Variants in PER3 observed in about 807,000 individuals in gnomAD.
The protein encoded by PER3 is period circadian regulator 3.
PER3 carries 107 observed loss-of-function variants against 127.2 expected under a neutral mutation model. The observed-to-expected ratio is 0.84, with a 90% CI of 0.72 to 0.99. The LOEUF is 0.99. Among genes scored for constraint, PER3 ranks in the 50% least tolerant of loss-of-function variants. PER3 has a pLI of 0.00. For missense variants in PER3, 1,560 were observed against 1,525.8 expected (o/e 1.02, Z -0.37); for synonymous variants, 618 against 585.8 (o/e 1.05, Z -0.79).
At chr1:7,810,143 T>C in intron 12 of PER3, 122 bp downstream of exon 12, 1 of 1,014,972 alleles carries the variant, frequency 9.9e-7, no homozygotes, top group Admixed American at 2.6e-5. Context: ...TAACAGATAT[T>C]TTCATCCATT....
intron 7 of PER3, among the ~76,000 whole-genome samples, chr1:7,800,085 T>C (rs1484287458): frequency 6.6e-6 from 1 of 152,008 alleles, no homozygotes; most frequent in African/African-American, 2.4e-5. Flanking sequence ...TTTTTGTGTA[T>C]TTGTAAGTGG....
chr1:7,802,172 A>G (rs2097173397), intron 8 of PER3, among the ~76,000 whole-genome samples: 1 of 152,170 alleles, frequency 6.6e-6, no homozygotes, highest in African/African-American at 2.4e-5. Context: ...TAGTCTTACC[A>G]TCGTAAGTTT....
intron 21 of PER3, among the ~76,000 whole-genome samples, chr1:7,842,144 G>C (rs1048234857): frequency 2.0e-5 from 3 of 152,186 alleles, no homozygotes; most frequent in East Asian, 3.8e-4. Flanking sequence ...TATGCAGTCT[G>C]TTTTTGACCG....
rs764556955 is a variant in PER3, at chr1:7,829,855, G to A, written c.2908G>A (p.Gly970Ser). The A allele has an allele frequency of 1.1e-4, 178 of 1,613,836 alleles. No individual in the cohort carries two copies. Among genetic ancestry groups the A allele is most frequent in the Non-Finnish European group, 1.5e-4 (173 of 1,179,830 alleles). ...TEYQCVTGNNGSESSPATTGA... is the reference protein window; with the variant it reads ...TEYQCVTGNNSSESSPATTGA... ...CTAGCAGTGTGTTACAGGCAACAATGGCAGTGAGAGCAGTCCTGCTACTAC... is the reference window on the plus strand; with the variant it reads ...CTAGCAGTGTGTTACAGGCAACAATAGCAGTGAGAGCAGTCCTGCTACTAC... The change falls in exon 19 of 22, where the codon GGC (glycine) becomes AGC (serine). Residue 970 changes from glycine to serine, a missense_variant. Around this residue, in one of 3 missense-constraint regions of PER3, gnomAD observed 1,332 missense variants for 1,223.6 expected, o/e 1.09. Coordinates refer to ENST00000377532, the MANE Select transcript of PER3 (RefSeq NM_001377275.1).
chr1:7,785,525 C>G lies in PER3; in HGVS notation c.213C>G (p.Arg71=), dbSNP rs200589634. 1 of 1,612,332 alleles carries G rather than the reference C, an allele frequency of 6.2e-7. No individual in the cohort carries two copies. The highest frequency in any genetic ancestry group is 8.5e-7 in the Non-Finnish European group (1 of 1,178,454). ...AAAAATACTTCCCCTCGGAGAGACG[C>G]AATAAACCAAGCACTCTAGATGCCC... ...EMKKYFPSER[R]NKPSTLDALN... is the part of the protein sequence containing the mutation. The change falls in exon 3 of 22, where the codon CGC becomes CGG. Residue 71 remains arginine, a synonymous_variant. Transcript: ENST00000377532.
chr1:7,820,608 G>A lies in PER3; in HGVS notation c.1925G>A (p.Ser642Asn), dbSNP rs1275343735. 1.2e-6 allele frequency: 2 copies of A among 1,613,852 alleles called. No individual in the cohort carries two copies. Among genetic ancestry groups the A allele is most frequent in the African/African-American group, 2.7e-5 (2 of 74,906 alleles). ...GGCATAAGCCAATGCGGTTACAGCA[G>A]CACCATTGTCCATGTCCCACCCCCA... is the stretch of plus-strand genomic sequence containing the variant. ...GSGISQCGYS[S>N]TIVHVPPPET... Residue 642 changes from serine (S) to asparagine (N), a missense_variant, in exon 16 of 22, where the codon AGC becomes AAC. This residue lies in a region of PER3 where 1,332 missense variants were observed against 1,223.6 expected (regional missense o/e 1.09). Transcript: ENST00000377532.
At chr1:7,825,532 A>T (rs1424688634) in intron 16 of PER3, among the ~76,000 whole-genome samples, 1 of 152,194 alleles carries the variant, frequency 6.6e-6, no homozygotes, top group Non-Finnish European at 1.5e-5. Flanking sequence ...TAATGTACGT[A>T]TGTGCCTTTG....
intron 13 of PER3, among the ~76,000 whole-genome samples, chr1:7,818,412 G>C (rs2151000629): frequency 6.6e-6 from 1 of 152,322 alleles, no homozygotes; most frequent in South Asian, 2.1e-4. Flanking sequence ...TTCCAAGCCA[G>C]CTAAAAATGA....
intron 6 of PER3, among the ~76,000 whole-genome samples, chr1:7,794,499 A>T (rs535585486): frequency 6.6e-6 from 1 of 152,284 alleles, no homozygotes; most frequent in East Asian, 1.9e-4. Context: ...CTCAAAAAAA[A>T]TAAAAATAAA....
chr1:7,814,352 A>C (rs1028007477), intron 13 of PER3, among the ~76,000 whole-genome samples: 3 of 152,248 alleles, frequency 2.0e-5, no homozygotes, highest in African/African-American at 7.2e-5. Context: ...CAGAGAAAAA[A>C]GACAGATTAC....
intron 6 of PER3, among the ~76,000 whole-genome samples, 174 bp downstream of exon 6, chr1:7,794,182 A>G (rs547328812): frequency 6.6e-6 from 1 of 152,270 alleles, no homozygotes; most frequent in African/African-American, 2.4e-5. Flanking sequence ...TACTCATGAG[A>G]AAACTAGATA....
chr1:7,836,954 T>G (rs2097361473), intron 20 of PER3, 45 bp from the exon 21 acceptor site: 1 of 1,510,974 alleles, frequency 6.6e-7, no homozygotes, highest in Non-Finnish European at 9.1e-7. Context: ...AAAAGAACCC[T>G]GTGTCTTATT....
chr1:7,786,408 A>G (rs577273082), intron 3 of PER3, among the ~76,000 whole-genome samples: 1 of 152,316 alleles, frequency 6.6e-6, no homozygotes, highest in East Asian at 1.9e-4. Context: ...TTCATATATG[A>G]TATGTTCCTG....
At position 7,796,675 on chromosome 1, in the gene PER3, G is replaced by A. The variant is rs1342129633; in HGVS notation, c.645-1850G>A. The stretch of plus-strand genomic sequence containing the variant: ...CTGCAGTGTTGAAGATACTTTGGAG[G>A]GGGAAGAAGGGAGGCAGGGAGGGCA... On this transcript the variant is annotated intron_variant, in intron 6 of 21. Coordinates refer to ENST00000377532, the MANE Select transcript of PER3 (RefSeq NM_001377275.1). Among the ~76,000 whole-genome samples the A allele has an allele frequency of 3.9e-5, 6 of 152,202 alleles. No homozygotes were observed. In the South Asian group the frequency reaches 1.2e-3, roughly 32 times the overall value.
chr1:7,842,697 A>G lies in PER3; in HGVS notation c.3575A>G (p.Asp1192Gly). Residue 1192 changes from aspartate (D) to glycine (G), a missense_variant, in exon 22 of 22, where the codon GAT becomes GGT. Physicochemically the swap from Asp to Gly is moderately conservative, Grantham distance 94 (BLOSUM62 -1). Around this residue, in one of 3 missense-constraint regions of PER3, gnomAD observed 199 missense variants for 198.6 expected, o/e 1.00. Coordinates refer to ENST00000377532, the MANE Select transcript of PER3 (RefSeq NM_001377275.1). ...GCCTGTGTCACTTGTGAAAATGAAG[A>G]TTCAGCTGATGGTGCGGCCACATCC... ...IQACVTCENEDSADGAATSCG... is the reference protein window; with the variant it reads ...IQACVTCENEGSADGAATSCG... The G allele has an allele frequency of 6.2e-7, 1 of 1,613,488 alleles. No individual in the cohort carries two copies. The highest frequency in any genetic ancestry group is 1.7e-4 in the Middle Eastern group (1 of 6,060).
At chr1:7,819,195 A>C in intron 13 of PER3, 90 bp from the exon 14 acceptor site, 6 of 1,113,798 alleles carry the variant, frequency 5.4e-6, no homozygotes, top group Non-Finnish European at 5.3e-6. Flanking sequence ...ATACATGATA[A>C]AGTGCCATGA....
rs1003321338 is a variant in PER3 at position 7,843,141 on chromosome 1, A to T, written c.*386A>T. The stretch of plus-strand genomic sequence containing the variant: ...CTGTTACATAAGTCATTTTCCCCTT[A>T]GAGTGCTTGAAGAAATGCCACCTAC... On this transcript the variant is annotated 3_prime_UTR_variant, in exon 22 of 22. Coordinates refer to ENST00000377532, the MANE Select transcript of PER3 (RefSeq NM_001377275.1). The T allele has an allele frequency of 7.8e-5, 12 of 154,528 alleles. No individual in the cohort carries two copies. Among genetic ancestry groups the T allele is most frequent in the African/African-American group, 2.9e-4 (12 of 41,490 alleles). The allele number at this position is 154,528 out of a possible 1,614,324, so 9.6% of individuals were successfully genotyped here.
Position 7,837,131 on chromosome 1 carries a change from T to G in PER3, c.3531T>G (p.Thr1177=), listed in dbSNP as rs771113980. 1.7e-5 allele frequency: 28 copies of G among 1,613,246 alleles called. No homozygotes were observed. The highest frequency in any genetic ancestry group is 6.7e-5 in the African/African-American group (5 of 74,884). ...VYNWIQSQTV[T]QEIDIQACVT... is the part of the protein sequence containing the mutation. ...ATTGGATTCAAAGCCAGACTGTCAC[T>G]CAAGAAATCGACATTCAAGTAAGCA... The change falls in exon 21 of 22, where the codon ACT becomes ACG. Residue 1177 remains threonine (T), a synonymous_variant. Transcript: ENST00000377532.
intron 10 of PER3, 50 bp from the exon 11 acceptor site, chr1:7,808,843 T>C (rs1199618415): frequency 2.1e-6 from 2 of 965,200 alleles, no homozygotes; most frequent in Admixed American, 3.6e-5. Context: ...AAAATCACTT[T>C]CGACTTCATT....
Sources: allele counts gnomAD v4.1 joint callset (sites outside exome capture counted in the v4.1 genomes callset), GRCh38; gene constraint gnomAD v4.1.1; regional missense constraint gnomAD v4.1.1; transcripts MANE v1.5; gene names NCBI Gene and HGNC (gene_info 2026-07-23, HGNC 2026-07-21).